The following DOCK6 variants were observed in gnomAD, a reference collection of about 807,000 sequenced individuals.
DOCK6 encodes dedicator of cytokinesis protein 6.
Under a neutral mutation model 230.3 loss-of-function variants are expected in DOCK6, and 167 were observed. The observed-to-expected ratio is 0.73, with a 90% CI of 0.64 to 0.82. The LOEUF (loss-of-function observed/expected upper bound fraction) is 0.82, where lower values mean the gene tolerates loss of function less well. DOCK6 is among the 40% of genes least tolerant of loss of function. The pLI is 0.00. For missense variants in DOCK6, 2,598 were observed against 2,825.8 expected (o/e 0.92, Z 1.83); for synonymous variants, 1,148 against 1,185.0 (o/e 0.97, Z 0.64).
In DOCK6 at chr19:11,202,540, A is replaced by G; in HGVS notation, c.5361+44T>C. 1 of 1,613,796 alleles carries G rather than the reference A, an allele frequency of 6.2e-7. No homozygotes were observed. Among genetic ancestry groups the G allele is most frequent in the South Asian group, 1.1e-5 (1 of 91,084 alleles). ...AGGGACAGCCCCTACTCCAGCCCCA[A>G]GGCAGCCCCATGCCCCGTTCCACCC... On this transcript the variant is annotated intron_variant, in intron 42 of 47. Transcript: ENST00000294618. This position sits in a 1 kb window ranked among gnomAD's most constrained non-coding sequence, Gnocchi z 5.3.
In DOCK6 at chr19:11,200,541, A is replaced by G; in HGVS notation, c.5940-72T>C. On this transcript the variant is annotated intron_variant, in intron 46 of 47. Coordinates refer to ENST00000294618, the MANE Select transcript of DOCK6 (RefSeq NM_020812.4). This position sits in a 1 kb window ranked among gnomAD's most constrained non-coding sequence, Gnocchi z 4.3. Reference sequence around the variant, plus strand: ...TGAAAGCAAGACTAGGGGTGGGGGCACCCATAAGGCGGGACCAGGCCTGCA... The same window carrying G: ...TGAAAGCAAGACTAGGGGTGGGGGCGCCCATAAGGCGGGACCAGGCCTGCA... The G allele has an allele frequency of 6.4e-7, 1 of 1,564,270 alleles. No individual in the cohort carries two copies. The highest frequency in any genetic ancestry group is 1.2e-5 in the South Asian group (1 of 85,626).
Position 11,252,134 on chromosome 19 carries a change from G to T in DOCK6, c.492C>A (p.Ser164=), listed in dbSNP as rs765758751. 3 of 1,589,108 alleles carry T rather than the reference G, an allele frequency of 1.9e-6. No individual in the cohort carries two copies. Among genetic ancestry groups the T allele is most frequent in the Non-Finnish European group, 2.6e-6 (3 of 1,168,444 alleles). ...FEQDASGDER[S]GPEDSNDSRR... Reference sequence around the variant, plus strand: ...GCTTCCTCACCGAGTCCTCAGGGCCGGACCTCTCGTCTCCAGAAGCATCCT... The same window carrying T: ...GCTTCCTCACCGAGTCCTCAGGGCCTGACCTCTCGTCTCCAGAAGCATCCT... Residue 164 remains serine (S), a synonymous_variant, in exon 5 of 48, where the codon TCC becomes TCA. Coordinates refer to ENST00000294618, the MANE Select transcript of DOCK6 (RefSeq NM_020812.4).
At chr19:11,223,179 T>C in intron 24 of DOCK6, 73 bp from the exon 25 acceptor site, 1 of 1,362,104 alleles carries the variant, frequency 7.3e-7, no homozygotes, top group Non-Finnish European at 1.0e-6. Context: ...CTCACCAAGA[T>C]CATCTGCCAC....
intron 30 of DOCK6, 153 bp from the exon 31 acceptor site, chr19:11,216,080 C>G (rs2079482121): frequency 1.2e-6 from 1 of 868,222 alleles, no homozygotes; most frequent in Non-Finnish European, 1.6e-6. Flanking sequence ...TAGCACTTAC[C>G]AAAAAAAAAA....
rs773858252 is a variant in DOCK6, at chr19:11,236,465, C to T, written c.2273G>A (p.Arg758Gln). The T allele has an allele frequency of 1.6e-5, 25 of 1,594,670 alleles. No individual in the cohort carries two copies. Among genetic ancestry groups the T allele is most frequent in the African/African-American group, 4.0e-5 (3 of 74,572 alleles). Residue 758 changes from arginine to glutamine, a missense_variant, in exon 20 of 48, where the codon CGG becomes CAG. Physicochemically the swap from Arg to Gln is conservative, Grantham distance 43. Coordinates refer to ENST00000294618, the MANE Select transcript of DOCK6 (RefSeq NM_020812.4). This position sits in a 1 kb window ranked among gnomAD's most constrained non-coding sequence, Gnocchi z 5.2. ...LSEGNVEQEL[R>Q]ASLAALRLAS... is the part of the protein sequence containing the mutation. ...CAGGCGCAGTGCTGCAAGACTGGCC[C>T]GCAGCTCCTGCTCCACGTTGCCCTC...
chr19:11,208,945 T>G lies in DOCK6; in HGVS notation c.4910A>C (p.His1637Pro). ...AACGCAGCCCACGGGCAGGTGGCGG[T>G]GGTCCTCGAGCAGGGCGAGGTACTC... ...VAEYLALLED[H>P]RHLPVGCVSF... The change falls in exon 38 of 48, where the codon CAC becomes CCC. Residue 1637 changes from histidine to proline, a missense_variant. His to Pro is a moderately conservative substitution (Grantham distance 77). Transcript: ENST00000294618. 5.6e-6 allele frequency: 9 copies of G among 1,597,774 alleles called. No individual in the cohort carries two copies. Among genetic ancestry groups the G allele is most frequent in the Non-Finnish European group, 7.7e-6 (9 of 1,167,474 alleles).
Position 11,223,074 on chromosome 19 carries a change from G to A in DOCK6, c.2988C>T (p.Ser996=). 1 of 1,613,724 alleles carries A rather than the reference G, an allele frequency of 6.2e-7. No individual in the cohort carries two copies. The highest frequency in any genetic ancestry group is 8.5e-7 in the Non-Finnish European group (1 of 1,179,876). ...GAAGGTCACTGAGGAAGAAAGCCAGGCTGGCGTTGAGGTGCTCGGCCAGCT... is the reference window on the plus strand; with the variant it reads ...GAAGGTCACTGAGGAAGAAAGCCAGACTGGCGTTGAGGTGCTCGGCCAGCT... ...DVELAEHLNA[S]LAFFLSDLLS... is the part of the protein sequence containing the mutation. Residue 996 remains serine, a synonymous_variant, in exon 25 of 48, where the codon AGC becomes AGT. Transcript: ENST00000294618.
intron 1 of DOCK6, among the ~76,000 whole-genome samples, chr19:11,256,791 T>C (rs7246205): frequency 0.84 from 127,905 of 152,062 alleles, 53,845 homozygotes; most frequent in East Asian, 0.92. Context: ...GATTCTCCTG[T>C]CTCAGCCTCC....
intron 21 of DOCK6, among the ~76,000 whole-genome samples, chr19:11,234,889 G>A (rs939328598): frequency 4.6e-5 from 7 of 152,054 alleles, no homozygotes; most frequent in Non-Finnish European, 8.8e-5. Flanking sequence ...AGGCCTCAGG[G>A]CCTTTGCACA....
rs537449466 is a variant in DOCK6 at position 11,221,828 on chromosome 19, C to T, written c.3550+23G>A. The T allele has an allele frequency of 3.5e-5, 56 of 1,613,558 alleles. No individual in the cohort carries two copies. The African/African-American group carries it at 6.9e-4, about 20-fold the overall frequency. The stretch of plus-strand genomic sequence containing the variant: ...GACCAAGTCCCTGGATCATGTGACC[C>T]CATCTTCCCCTGGCCCACTGACCAG... On this transcript the variant is annotated intron_variant, in intron 28 of 47. Transcript: ENST00000294618.
chr19:11,249,001 T>C (rs1479614426), intron 6 of DOCK6, among the ~76,000 whole-genome samples: 2 of 152,116 alleles, frequency 1.3e-5, no homozygotes, highest in South Asian at 2.1e-4. Context: ...TATGGGTGTA[T>C]ATAGTAAGCA....
Position 11,251,014 on chromosome 19 carries a change from G to A in DOCK6, c.580C>T (p.Leu194=), listed in dbSNP as rs1599285194. The change falls in exon 6 of 48, where the codon CTG becomes TTG. Residue 194 remains leucine (L), a synonymous_variant. Transcript: ENST00000294618. ...AATGAGTCAGCTGCCAGGTTCCTCA[G>A]GTCGAAGATGCTAGAGGCACCACTG... ...RSSGASSIFD[L]RNLAADSLLP... The A allele has an allele frequency of 1.9e-6, 3 of 1,613,834 alleles. No individual in the cohort carries two copies. Among genetic ancestry groups the A allele is most frequent in the Non-Finnish European group, 2.5e-6 (3 of 1,179,852 alleles).
Position 11,199,549 on chromosome 19 carries a change from G to T in DOCK6, c.6102-10C>A. The T allele has an allele frequency of 6.4e-7, 1 of 1,573,340 alleles. No homozygotes were observed. The highest frequency in any genetic ancestry group is 8.6e-7 in the Non-Finnish European group (1 of 1,159,274). On this transcript the variant is annotated splice_polypyrimidine_tract_variant and intron_variant, in intron 47 of 47. Coordinates refer to ENST00000294618, the MANE Select transcript of DOCK6 (RefSeq NM_020812.4). ...TCTGTTCAAGGAGTTCCTGGAAAAA[G>T]AATGAGGGTGGGTCAGCATGGCCAT...
chr19:11,252,467 C>G lies in DOCK6; in HGVS notation c.377+15G>C. Reference sequence around the variant, plus strand: ...GGGTTCCGAACCCCCTGAGCTGCCCCTAAGTCAGACTCACCTTCTGTGGAC... The same window carrying G: ...GGGTTCCGAACCCCCTGAGCTGCCCGTAAGTCAGACTCACCTTCTGTGGAC... On this transcript the variant is annotated intron_variant, in intron 4 of 47. Transcript: ENST00000294618. The G allele has an allele frequency of 6.2e-7, 1 of 1,613,792 alleles. No individual in the cohort carries two copies. The highest frequency in any genetic ancestry group is 8.5e-7 in the Non-Finnish European group (1 of 1,179,814).
At chr19:11,210,524 A>C (rs1207995084) in intron 37 of DOCK6, among the ~76,000 whole-genome samples, 1 of 70,484 alleles carries the variant, frequency 1.4e-5, no homozygotes, top group Non-Finnish European at 2.7e-5. Context: ...TCACCTGTCC[A>C]TCCCTTCACC....
At chr19:11,252,007 T>C in intron 5 of DOCK6, 112 bp downstream of exon 5, 1 of 1,494,274 alleles carries the variant, frequency 6.7e-7, no homozygotes. Flanking sequence ...ACTGATGCAA[T>C]TCCTTTTGAG....
intron 1 of DOCK6, among the ~76,000 whole-genome samples, chr19:11,262,078 G>A (rs1260696060): frequency 1.3e-5 from 2 of 152,080 alleles, no homozygotes; most frequent in Non-Finnish European, 2.9e-5. Context: ...GGGAGTTCAG[G>A]GGGCGCCCGT....
chr19:11,237,105 T>A, intron 18 of DOCK6: 1 of 593,900 alleles, frequency 1.7e-6, no homozygotes. Flanking sequence ...ACAGGGTGAA[T>A]GAATATTCAT....
intron 23 of DOCK6, among the ~76,000 whole-genome samples, chr19:11,228,560 CTTT>C (rs1044123664): frequency 3.9e-5 from 5 of 128,862 alleles, no homozygotes; most frequent in Admixed American, 7.8e-5. Flanking sequence ...GGGCTTCTCT[CTTT>C]TTTTTTTTTT....
Sources: gnomAD v4.1 joint callset for allele counts (sites outside exome capture counted in the v4.1 genomes callset) on GRCh38, gnomAD v4.1.1 for gene constraint, Gnocchi (gnomAD v3.1) non-coding constraint, MANE v1.5 for transcripts, NCBI Gene and HGNC (gene_info 2026-07-23, HGNC 2026-07-21) for gene names.